Variants in EHD1 observed in about 807,000 individuals in gnomAD.
EHD1 encodes the protein EH domain-containing protein 1.
Under a neutral mutation model 39.0 loss-of-function variants are expected in EHD1, and 19 were observed. The observed-to-expected ratio is 0.49, with a 90% CI of 0.34 to 0.72. EHD1 has a LOEUF of 0.72. EHD1 is among the 30% of genes least tolerant of loss of function. The pLI, the probability that EHD1 is intolerant of heterozygous loss-of-function variation, is 0.01. For missense variants in EHD1, 542 were observed against 751.5 expected, an observed-to-expected ratio of 0.72 and a Z score of 3.26; for synonymous variants, 323 against 331.2, an observed-to-expected ratio of 0.98 and a Z score of 0.27.
Position 64,854,813 on chromosome 11 carries a change from C to CTTCA in EHD1, c.1121_1124dup (p.Lys375AsnfsTer11). The CTTCA allele has an allele frequency of 6.2e-7, 1 of 1,601,818 alleles. No homozygotes were observed. The highest frequency in any genetic ancestry group is 8.5e-7 in the Non-Finnish European group (1 of 1,179,944). ...CATCCACCGTGTCCAGCAGCTTGGG[C>CTTCA]TTCAGCGCCTGGAACTTGCTGAAGT... On this transcript the variant is annotated frameshift_variant, in exon 5 of 5. Coordinates refer to ENST00000320631, the MANE Select transcript of EHD1 (RefSeq NM_006795.4). LOFTEE classifies it high-confidence loss of function.
At chr11:64,871,924 A>G (rs1943834795) in intron 2 of EHD1, among the ~76,000 whole-genome samples, 1 of 152,218 alleles carries the variant, frequency 6.6e-6, no homozygotes, top group Non-Finnish European at 1.5e-5. Context: ...CCTTGCTCCC[A>G]ATCAAAACGC....
chr11:64,874,659 C>T (rs746286448), intron 1 of EHD1, 141 bp from the exon 2 acceptor site: 50 of 656,848 alleles, frequency 7.6e-5, no homozygotes, highest in Middle Eastern at 3.8e-4. Context: ...GGTTTTCTAT[C>T]GTCTTAGTTT....
chr11:64,874,647 G>T, intron 1 of EHD1, 129 bp from the exon 2 acceptor site: 1 of 722,676 alleles, frequency 1.4e-6, no homozygotes. Context: ...GAACTGACAG[G>T]TGGTTTTCTA....
At chr11:64,858,246 A>ATCTCAGCTCACTGCAACC (rs1376886911) in intron 3 of EHD1, among the ~76,000 whole-genome samples, 2 of 145,878 alleles carry the variant, frequency 1.4e-5, no homozygotes, top group Non-Finnish European at 3.0e-5. Flanking sequence ...CAGTGGTGTG[A>ATCTCAGCTCACTGCAACC]TCTCAGCTCA....
intron 2 of EHD1, among the ~76,000 whole-genome samples, chr11:64,867,278 G>T (rs1466530325): frequency 6.6e-6 from 1 of 151,728 alleles, no homozygotes; most frequent in Non-Finnish European, 1.5e-5. Context: ...AATTAGCCAG[G>T]GATGGTGCCA....
intron 2 of EHD1, among the ~76,000 whole-genome samples, chr11:64,863,639 C>T (rs1943738505): frequency 6.6e-6 from 1 of 152,234 alleles, no homozygotes; most frequent in Admixed American, 6.5e-5. Context: ...CTGCCGCCTG[C>T]CCCGGCCCCA....
At chr11:64,875,883 A>C (rs1943880932) in intron 1 of EHD1, among the ~76,000 whole-genome samples, 1 of 152,128 alleles carries the variant, frequency 6.6e-6, no homozygotes, top group South Asian at 2.1e-4. Context: ...GGCGCTGGAG[A>C]GATGATTACA....
chr11:64,874,653 T>G, intron 1 of EHD1, 135 bp from the exon 2 acceptor site: 2 of 675,394 alleles, frequency 3.0e-6, no homozygotes, highest in Non-Finnish European at 4.6e-6. Flanking sequence ...ACAGGTGGTT[T>G]TCTATCGTCT....
chr11:64,855,078 C>A, intron 4 of EHD1: 2 of 823,176 alleles, frequency 2.4e-6, no homozygotes, highest in Non-Finnish European at 3.7e-6. Context: ...ATGGACAGGG[C>A]ACCAGAGCGC....
intron 2 of EHD1, among the ~76,000 whole-genome samples, chr11:64,867,896 G>A (rs964811174): frequency 1.3e-5 from 2 of 152,260 alleles, no homozygotes; most frequent in Non-Finnish European, 2.9e-5. Context: ...TAGCGTGCAC[G>A]CAGGTGCCTC....
intron 2 of EHD1, among the ~76,000 whole-genome samples, chr11:64,870,029 C>G (rs1235696559): frequency 6.6e-6 from 1 of 152,156 alleles, no homozygotes; most frequent in African/African-American, 2.4e-5. Flanking sequence ...AAACGAGAGC[C>G]CAGGCCACCA....
intron 2 of EHD1, among the ~76,000 whole-genome samples, chr11:64,861,404 G>A (rs1943715059): frequency 2.0e-5 from 3 of 152,324 alleles, no homozygotes; most frequent in South Asian, 2.1e-4. Flanking sequence ...GCTCAGCACA[G>A]CACAGAGGGT....
At chr11:64,874,307 A>C in intron 2 of EHD1, 114 bp downstream of exon 2, 1 of 968,392 alleles carries the variant, frequency 1.0e-6, no homozygotes. Flanking sequence ...CCGTCAAAAA[A>C]AAAAAAAAAA....
At chr11:64,860,865 C>T (rs904499876) in intron 2 of EHD1, among the ~76,000 whole-genome samples, 1 of 151,854 alleles carries the variant, frequency 6.6e-6, no homozygotes, top group African/African-American at 2.4e-5. Context: ...ACTGAAAATA[C>T]AAAAATTAGC....
chr11:64,854,929 G>C, intron 4 of EHD1, 72 bp from the exon 5 acceptor site: 3 of 1,547,264 alleles, frequency 1.9e-6, no homozygotes, highest in Non-Finnish European at 2.6e-6. Context: ...AGTGGTTCCA[G>C]TCAGGGCTTC....
intron 2 of EHD1, among the ~76,000 whole-genome samples, chr11:64,862,029 C>T (rs2136483878): frequency 6.6e-6 from 1 of 152,288 alleles, no homozygotes; most frequent in South Asian, 2.1e-4. Flanking sequence ...CCACCTTAGA[C>T]TCCTGAGTAG....
Position 64,851,857 on chromosome 11 carries a change from T to C in EHD1, c.*2476A>G, listed in dbSNP as rs1943585256. ...AGTCCTCAGTCTCGGACTCTCCCTC[T>C]GTGAAATGGGGGAACATGAACTTCC... On this transcript the variant is annotated 3_prime_UTR_variant, in exon 5 of 5. Coordinates refer to ENST00000320631, the MANE Select transcript of EHD1 (RefSeq NM_006795.4). The C allele has an allele frequency of 6.6e-6, 1 of 152,196 alleles. No homozygotes were observed. The highest frequency in any genetic ancestry group is 6.5e-5 in the Admixed American group (1 of 15,272). The allele number at this position is 152,196 out of a possible 1,614,324, so 9.4% of individuals were successfully genotyped here.
intron 2 of EHD1, among the ~76,000 whole-genome samples, chr11:64,862,395 C>A (rs149605986): frequency 3.9e-5 from 6 of 152,214 alleles, no homozygotes; most frequent in African/African-American, 1.4e-4. Flanking sequence ...CATTTCCCAG[C>A]CTCCTTCAGC....
chr11:64,875,629 A>T (rs933030360), intron 1 of EHD1: 1 of 152,312 alleles, frequency 6.6e-6, no homozygotes, highest in Non-Finnish European at 1.5e-5. Flanking sequence ...TGTAGGACAC[A>T]GACTTGAAGC....
Sources: gnomAD v4.1 joint callset for allele counts (sites outside exome capture counted in the v4.1 genomes callset) on GRCh38, gnomAD v4.1.1 for gene constraint, MANE v1.5 for transcripts, NCBI Gene and HGNC (gene_info 2026-07-23, HGNC 2026-07-21) for gene names.